Variants in INSL6 observed in about 807,000 individuals in gnomAD.
The protein encoded by INSL6 is insulin like 6.
In INSL6, 16 loss-of-function variants were observed where a neutral mutation model predicts 9.4. The ratio of observed to expected loss-of-function variants is 1.70; its 90% CI spans 1.15 to 2.59. The LOEUF is 2.59. Among genes scored for constraint, INSL6 ranks in the 30% most tolerant of loss-of-function variants. INSL6 has a pLI of 0.00. For missense variants in INSL6, 391 were observed against 257.3 expected, an observed-to-expected ratio of 1.52 and a Z score of -3.56; for synonymous variants, 154 against 96.9, an observed-to-expected ratio of 1.59 and a Z score of -3.46.
intron 2 of INSL6, among the ~76,000 whole-genome samples, chr9:5,147,108 G>A (rs1190467560): frequency 6.6e-6 from 1 of 152,192 alleles, no homozygotes; most frequent in Non-Finnish European, 1.5e-5. Flanking sequence ...TTCTGCTACA[G>A]ATGCTCCTGC....
intron 2 of INSL6, among the ~76,000 whole-genome samples, chr9:5,151,630 C>G (rs1824714383): frequency 6.6e-6 from 1 of 151,856 alleles, no homozygotes; most frequent in African/African-American, 2.4e-5. Context: ...AATGCTGAAG[C>G]AATCACCAAA....
the INSL6 span, among the ~76,000 whole-genome samples, chr9:5,016,045 G>T: frequency 6.6e-6 from 1 of 152,138 alleles, no homozygotes; most frequent in Non-Finnish European, 1.5e-5. Flanking sequence ...TGCTCTTGTG[G>T]TACAACATGG....
At chr9:5,032,219 C>G in the INSL6 span, among the ~76,000 whole-genome samples, 287 of 152,300 alleles carry the variant, frequency 1.9e-3, 1 homozygote, top group African/African-American at 6.6e-3. Flanking sequence ...CCGCCATTGC[C>G]GAGGGTTGAG....
the INSL6 span, among the ~76,000 whole-genome samples, chr9:5,043,593 C>G: frequency 2.0e-5 from 3 of 152,184 alleles, no homozygotes; most frequent in Non-Finnish European, 4.4e-5. Flanking sequence ...AATTCTACTT[C>G]TAGATATATA....
chr9:5,180,134 T>C (rs1722865117), intron 1 of INSL6, among the ~76,000 whole-genome samples: 1 of 152,238 alleles, frequency 6.6e-6, no homozygotes, highest in African/African-American at 2.4e-5. Context: ...GATTTCATTT[T>C]AATATGGACA....
At chr9:5,147,534 C>G (rs1564040714) in intron 2 of INSL6, among the ~76,000 whole-genome samples, 1 of 152,182 alleles carries the variant, frequency 6.6e-6, no homozygotes, top group Non-Finnish European at 1.5e-5. Context: ...GGAAGACTGC[C>G]TGGTAAGGAG....
the INSL6 span, among the ~76,000 whole-genome samples, chr9:5,018,511 G>A: frequency 4.6e-5 from 7 of 151,980 alleles, no homozygotes; most frequent in Non-Finnish European, 1.0e-4. Context: ...TAATTCTTTT[G>A]TATTTTTCGT....
At chr9:5,170,753 A>ATT (rs1279478384) in intron 1 of INSL6, among the ~76,000 whole-genome samples, 1 of 152,142 alleles carries the variant, frequency 6.6e-6, no homozygotes, top group East Asian at 1.9e-4. Flanking sequence ...CAATGGATAA[A>ATT]TTCCTGAACA....
the INSL6 span, among the ~76,000 whole-genome samples, chr9:5,080,969 C>T: frequency 7.0e-6 from 1 of 142,360 alleles, no homozygotes; most frequent in Non-Finnish European, 1.5e-5. Flanking sequence ...GATCTCGGCT[C>T]ACTGCAAGCT....
the INSL6 span, among the ~76,000 whole-genome samples, chr9:5,007,778 G>T: frequency 6.6e-6 from 1 of 151,382 alleles, no homozygotes. Context: ...GAACTGCAGT[G>T]GTGTGATATC....
chr9:5,184,915 A>C (rs536149817), intron 1 of INSL6, among the ~76,000 whole-genome samples: 1 of 152,320 alleles, frequency 6.6e-6, no homozygotes, highest in Non-Finnish European at 1.5e-5. Context: ...GCCAATGACG[A>C]CAGTCAAATA....
chr9:5,113,881 A>T, the INSL6 span: 2 of 209,722 alleles, frequency 9.5e-6, no homozygotes, highest in Non-Finnish European at 9.8e-6. Context: ...CCCCACCGTG[A>T]AGATCTTACA....
intron 2 of INSL6, among the ~76,000 whole-genome samples, chr9:5,150,574 A>C (rs1322254121): frequency 6.6e-6 from 1 of 152,188 alleles, no homozygotes; most frequent in Non-Finnish European, 1.5e-5. Context: ...TCAACAAATA[A>C]CAGATATTGA....
the INSL6 span, chr9:5,110,864 G>T: frequency 1.0e-5 from 5 of 495,384 alleles, no homozygotes; most frequent in Non-Finnish European, 1.9e-5. Context: ...TCATGCCGCC[G>T]CGCCCAGCAG....
the INSL6 span, among the ~76,000 whole-genome samples, chr9:5,088,814 C>G: frequency 1.3e-5 from 2 of 152,188 alleles, no homozygotes; most frequent in African/African-American, 2.4e-5. Context: ...TATAAGGGCA[C>G]TAGCCTTGTC....
downstream of INSL6, among the ~76,000 whole-genome samples, chr9:5,123,305 C>T (rs1301152589): frequency 6.6e-6 from 1 of 151,976 alleles, no homozygotes; most frequent in African/African-American, 2.4e-5. Context: ...AGCATCTACT[C>T]CACCAATGGC....
the INSL6 span, among the ~76,000 whole-genome samples, chr9:5,024,081 C>G: frequency 1.3e-5 from 2 of 151,996 alleles, no homozygotes; most frequent in Non-Finnish European, 2.9e-5. Flanking sequence ...ATGGTGAAAC[C>G]TCATCTCTGC....
chr9:5,028,276 A>T, the INSL6 span, among the ~76,000 whole-genome samples: 1 of 152,212 alleles, frequency 6.6e-6, no homozygotes. Context: ...TGCATTGTCA[A>T]TGAGTAATAA....
chr9:5,007,373 C>T, the INSL6 span, among the ~76,000 whole-genome samples: 12 of 151,968 alleles, frequency 7.9e-5, no homozygotes, highest in South Asian at 1.0e-3. Context: ...CAAATATATG[C>T]GGGTTTCTAG....
Sources: gnomAD v4.1 joint callset for allele counts (sites outside exome capture counted in the v4.1 genomes callset) on GRCh38, gnomAD v4.1.1 for gene constraint, MANE v1.5 for transcripts, NCBI Gene and HGNC (gene_info 2026-07-23, HGNC 2026-07-21) for gene names.